The following GAB1 variants were observed in gnomAD, a reference collection of about 807,000 sequenced individuals.
GAB1 encodes GRB2 associated binding protein 1, also known as GRB2-associated-binding protein 1.
In GAB1, 19 loss-of-function variants were observed where a neutral mutation model predicts 66.5. The ratio of observed to expected loss-of-function variants is 0.29; its 90% CI spans 0.20 to 0.42. GAB1 has a LOEUF of 0.42. GAB1 is among the 10% of genes least tolerant of loss of function. The pLI, the probability that GAB1 is intolerant of heterozygous loss-of-function variation, is 1.00. For missense variants in GAB1, 732 were observed against 858.5 expected, an observed-to-expected ratio of 0.85 and a Z score of 1.84; for synonymous variants, 294 against 301.4, an observed-to-expected ratio of 0.98 and a Z score of 0.25.
intron 1 of GAB1, among the ~76,000 whole-genome samples, chr4:143,397,272 A>T (rs1228270719): frequency 1.3e-5 from 2 of 152,232 alleles, no homozygotes; most frequent in Admixed American, 6.5e-5. Flanking sequence ...GATTAATGCT[A>T]TAAGTTTAAT....
intron 1 of GAB1, among the ~76,000 whole-genome samples, chr4:143,353,846 AG>A (rs1325916340): frequency 6.6e-6 from 1 of 152,176 alleles, no homozygotes; most frequent in Non-Finnish European, 1.5e-5. Flanking sequence ...TCACCACTAT[AG>A]TATATTAACT....
At chr4:143,460,582 A>AT in intron 8 of GAB1, 95 bp downstream of exon 8, 1 of 1,129,924 alleles carries the variant, frequency 8.9e-7, no homozygotes, top group Middle Eastern at 2.1e-4. Context: ...TCGTATCTTT[A>AT]TATACTTAAG....
chr4:143,457,663 T>G lies in GAB1; in HGVS notation c.1586-1722T>G, dbSNP rs146636606. 3.2e-5 allele frequency: 40 copies of G among 1,236,804 alleles called. No homozygotes were observed. In the East Asian group the frequency reaches 1.0e-3, roughly 31 times the overall value. 76.6% of individuals were successfully genotyped at this position (1,236,804 alleles called of 1,614,324 possible). A position where few individuals can be genotyped will look rare whatever the true frequency, so the allele number is the denominator to read the frequency against. On this transcript the variant is annotated intron_variant, in intron 6 of 9. Coordinates refer to ENST00000262994, the MANE Select transcript of GAB1 (RefSeq NM_002039.4). ...TAAATAACATTATATTAAGAGAGTCTTCTTTTTACCAATTAGGTCAAAGTC... is the reference window on the plus strand; with the variant it reads ...TAAATAACATTATATTAAGAGAGTCGTCTTTTTACCAATTAGGTCAAAGTC...
At position 143,413,824 on chromosome 4, in the gene GAB1, CTT is replaced by C. The variant is rs35422180; in HGVS notation, c.73-1630_73-1629del. On this transcript the variant is annotated intron_variant, in intron 1 of 9. Coordinates refer to ENST00000262994, the MANE Select transcript of GAB1 (RefSeq NM_002039.4). ...AGAGCATCCCCACCACCCCGCTGCC[CTT>C]TTTTTTTTTTTTTTTTTTTTTTGAG... is the stretch of plus-strand genomic sequence containing the variant. Among the ~76,000 whole-genome samples the C allele has an allele frequency of 4.5e-3, 308 of 67,818 alleles. 1 individual carries two copies. The highest frequency in any genetic ancestry group is 0.025 in the African/African-American group (263 of 10,618). 44.5% of individuals were successfully genotyped at this position (67,818 alleles called of 152,430 possible). A position where few individuals can be genotyped will look rare whatever the true frequency, so the allele number is the denominator to read the frequency against.
intron 1 of GAB1, among the ~76,000 whole-genome samples, chr4:143,354,785 A>G (rs367886940): frequency 1.3e-5 from 2 of 152,298 alleles, no homozygotes; most frequent in East Asian, 3.9e-4. Context: ...CAAATCTTTA[A>G]TATCTACCTG....
chr4:143,336,983 C>G lies in GAB1; in HGVS notation c.-206C>G, dbSNP rs1415572918. 1.0e-5 allele frequency: 5 copies of G among 490,446 alleles called. No individual in the cohort carries two copies. Among genetic ancestry groups the G allele is most frequent in the Non-Finnish European group, 1.8e-5 (5 of 276,558 alleles). 30.4% of individuals were successfully genotyped at this position (490,446 alleles called of 1,614,324 possible). A position where few individuals can be genotyped will look rare whatever the true frequency, so the allele number is the denominator to read the frequency against. Reference sequence around the variant, plus strand: ...CCGGCGCGCCCGCGGCCCCGGCTCGCGTTCTGTTCAGGTTCGTGGGCCTGC... The same window carrying G: ...CCGGCGCGCCCGCGGCCCCGGCTCGGGTTCTGTTCAGGTTCGTGGGCCTGC... On this transcript the variant is annotated 5_prime_UTR_variant, in exon 1 of 10. Coordinates refer to ENST00000262994, the MANE Select transcript of GAB1 (RefSeq NM_002039.4).
At chr4:143,399,940 C>G (rs200471511) in intron 1 of GAB1, among the ~76,000 whole-genome samples, 2 of 134,774 alleles carry the variant, frequency 1.5e-5, no homozygotes, top group African/African-American at 5.5e-5. Flanking sequence ...GAGTCTTGCT[C>G]TTTTTTTTTT....
At chr4:143,338,382 C>T (rs1296804039) in intron 1 of GAB1, among the ~76,000 whole-genome samples, 3 of 152,218 alleles carry the variant, frequency 2.0e-5, no homozygotes, top group African/African-American at 7.2e-5. Flanking sequence ...GGAATATCTA[C>T]ACCCAGTATT....
intron 2 of GAB1, among the ~76,000 whole-genome samples, chr4:143,419,719 A>G (rs1253843792): frequency 6.6e-6 from 1 of 152,120 alleles, no homozygotes; most frequent in African/African-American, 2.4e-5. Context: ...TTTATTTTTT[A>G]AATTCTATGA....
At chr4:143,460,511 C>T in intron 8 of GAB1, 24 bp downstream of exon 8, 1 of 1,610,748 alleles carries the variant, frequency 6.2e-7, no homozygotes. Context: ...TAACTTTTCC[C>T]TTTCTGAGCA....
At position 143,440,086 on chromosome 4, in the gene GAB1, A is replaced by G; in HGVS notation, c.1289A>G (p.Lys430Arg). Residue 430 changes from lysine (K) to arginine (R), a missense_variant, in exon 6 of 10, where the codon AAA becomes AGA. Around this residue, in one of 4 missense-constraint regions of GAB1, gnomAD observed 427 missense variants for 420.6 expected, o/e 1.02. Transcript: ENST00000262994. ...AATATATATGTGTTTTAGAAAGTCA[A>G]AAATGTGTTGACAGTGGGAAGTGTT... ...LEGFHNHFKV[K>R]NVLTVGSVSS... The G allele has an allele frequency of 6.2e-7, 1 of 1,612,712 alleles. No homozygotes were observed. The highest frequency in any genetic ancestry group is 8.5e-7 in the Non-Finnish European group (1 of 1,179,270).
chr4:143,444,349 T>G (rs1734396020), intron 6 of GAB1, among the ~76,000 whole-genome samples: 1 of 152,200 alleles, frequency 6.6e-6, no homozygotes, highest in Non-Finnish European at 1.5e-5. Flanking sequence ...GTCTGAACAT[T>G]AGTTACTATA....
At chr4:143,350,170 T>C in intron 1 of GAB1, 2 of 696,318 alleles carry the variant, frequency 2.9e-6, no homozygotes, top group Non-Finnish European at 4.9e-6. Flanking sequence ...ATTAAGACAC[T>C]TTTTGTGTGC....
chr4:143,399,592 C>T (rs987800002), intron 1 of GAB1, among the ~76,000 whole-genome samples: 1 of 152,144 alleles, frequency 6.6e-6, no homozygotes, highest in Non-Finnish European at 1.5e-5. Context: ...AAAAGAAACC[C>T]ATATCAATAC....
chr4:143,396,413 T>G (rs536029298), intron 1 of GAB1, among the ~76,000 whole-genome samples: 1 of 151,932 alleles, frequency 6.6e-6, no homozygotes, highest in African/African-American at 2.4e-5. Context: ...TGGAAGGGCA[T>G]GAGGAGAGAT....
chr4:143,432,803 T>C (rs370900422), intron 2 of GAB1, among the ~76,000 whole-genome samples: 21 of 152,336 alleles, frequency 1.4e-4, no homozygotes, highest in East Asian at 5.8e-4. Context: ...CTTTTCATAT[T>C]TCTCTCAGAA....
At chr4:143,408,226 A>G (rs930334684) in intron 1 of GAB1, among the ~76,000 whole-genome samples, 4 of 152,214 alleles carry the variant, frequency 2.6e-5, no homozygotes, top group Admixed American at 2.6e-4. Flanking sequence ...GCATTTCCAT[A>G]TACACATAAA....
At chr4:143,365,033 A>G (rs1168528535) in intron 1 of GAB1, among the ~76,000 whole-genome samples, 1 of 151,062 alleles carries the variant, frequency 6.6e-6, no homozygotes, top group Non-Finnish European at 1.5e-5. Context: ...GCCCGCCACC[A>G]CGCCTGGCTA....
rs557549775 is a variant in GAB1 at position 143,360,396 on chromosome 4, A to ACATT, written c.72+23136_72+23137insCATT. On this transcript the variant is annotated intron_variant, in intron 1 of 9. Transcript: ENST00000262994. ...TTCTAAGTTTTGTTTTTTGAACTAA[A>ACATT]GGTTAAAAAACCTGCATTCATGGAA... Among the ~76,000 whole-genome samples the ACATT allele has an allele frequency of 2.3e-3, 353 of 152,340 alleles. 1 individual carries two copies. Among genetic ancestry groups the ACATT allele is most frequent in the African/African-American group, 8.1e-3 (336 of 41,574 alleles).
Sources: allele counts gnomAD v4.1 joint callset (sites outside exome capture counted in the v4.1 genomes callset), GRCh38; gene constraint gnomAD v4.1.1; regional missense constraint gnomAD v4.1.1; transcripts MANE v1.5; gene names NCBI Gene and HGNC (gene_info 2026-07-23, HGNC 2026-07-21).